Variants in CREB5 observed in about 807,000 individuals in gnomAD.
The protein encoded by CREB5 is cAMP responsive element binding protein 5.
A neutral mutation model predicts 57.1 loss-of-function variants in CREB5; 19 were observed. That is an observed-to-expected ratio of 0.33 (90% CI 0.23 to 0.49). The LOEUF (loss-of-function observed/expected upper bound fraction) is 0.49. Among genes scored for constraint, CREB5 ranks in the 20% least tolerant of loss-of-function variants. The pLI is 0.99. For synonymous variants in CREB5, 238 were observed against 238.3 expected (o/e 1.00, Z 0.01); for missense variants, 579 against 671.6 (o/e 0.86, Z 1.52).
intron 5 of CREB5, among the ~76,000 whole-genome samples, chr7:28,571,713 G>C (rs1479371843): frequency 6.6e-6 from 1 of 152,178 alleles, no homozygotes; most frequent in Non-Finnish European, 1.5e-5. Context: ...CTCTGGCCCA[G>C]CTTCCTTATC....
intron 1 of CREB5, among the ~76,000 whole-genome samples, chr7:28,469,254 A>C (rs538586493): frequency 2.0e-5 from 3 of 152,266 alleles, no homozygotes; most frequent in African/African-American, 7.2e-5. Flanking sequence ...AAAATATAAG[A>C]AAGTGGACCA....
intron 5 of CREB5, among the ~76,000 whole-genome samples, chr7:28,670,898 G>A (rs1800010742): frequency 6.6e-6 from 1 of 152,136 alleles, no homozygotes; most frequent in Admixed American, 6.5e-5. Flanking sequence ...GTCTCACTAT[G>A]TTGCCTAGGC....
chr7:28,568,649 G>A lies in CREB5; in HGVS notation c.292-1716G>A, dbSNP rs570195887. On this transcript the variant is annotated intron_variant, in intron 4 of 10. Coordinates refer to ENST00000357727, the MANE Select transcript of CREB5 (RefSeq NM_182898.4). ...TTCCAGTGTATAAGAGAAGCCTTTG[G>A]ACTGTGAGTATATATAAGCCTGTTC... Among the ~76,000 whole-genome samples, 417 of 152,236 alleles carry A rather than the reference G, an allele frequency of 2.7e-3. 3 individuals carry two copies. Among genetic ancestry groups the A allele is most frequent in the Middle Eastern group, 3.4e-3 (1 of 294 alleles).
intron 4 of CREB5, among the ~76,000 whole-genome samples, chr7:28,551,960 TTTTTTA>T (rs1794675876): frequency 7.5e-6 from 1 of 134,200 alleles, no homozygotes; most frequent in African/African-American, 3.1e-5. Context: ...ATTCTTTCTC[TTTTTTA>T]TTCTCTCTTT....
At chr7:28,648,952 T>C (rs2128705552) in intron 5 of CREB5, among the ~76,000 whole-genome samples, 1 of 152,350 alleles carries the variant, frequency 6.6e-6, no homozygotes. Flanking sequence ...ATAAAGGTTT[T>C]GTGCTTTTGG....
chr7:28,648,603 T>A (rs996080928), intron 5 of CREB5, among the ~76,000 whole-genome samples: 1 of 151,986 alleles, frequency 6.6e-6, no homozygotes, highest in Non-Finnish European at 1.5e-5. Flanking sequence ...TTAGCTGGGC[T>A]TGCTGGTGCA....
intron 7 of CREB5, among the ~76,000 whole-genome samples, chr7:28,788,321 C>T (rs1807456438): frequency 1.3e-5 from 2 of 152,132 alleles, no homozygotes; most frequent in African/African-American, 4.8e-5. Context: ...GGAAAAACTG[C>T]CCTCAGTTGA....
chr7:28,595,396 T>G (rs192826606), intron 5 of CREB5, among the ~76,000 whole-genome samples: 150 of 152,282 alleles, frequency 9.9e-4, no homozygotes, highest in African/African-American at 3.2e-3. Flanking sequence ...GCATAGTGCC[T>G]GACATATAGT....
Position 28,757,783 on chromosome 7 carries a change from A to G in CREB5, c.702+33451A>G, listed in dbSNP as rs1805415623. 2.6e-5 allele frequency among the ~76,000 whole-genome samples: 4 copies of G among 152,266 alleles called. No homozygotes were observed. In the South Asian group the frequency reaches 8.3e-4, roughly 32 times the overall value. The stretch of plus-strand genomic sequence containing the variant: ...GGGGACCAGAAGTGTTTCAGATTTC[A>G]GATTTTTTTCAGATTTTGGAATATT... On this transcript the variant is annotated intron_variant, in intron 7 of 10. Transcript: ENST00000357727.
intron 7 of CREB5, among the ~76,000 whole-genome samples, chr7:28,763,141 T>G (rs1018907442): frequency 4.2e-5 from 6 of 143,392 alleles, no homozygotes; most frequent in Admixed American, 4.1e-4. Context: ...TTCCCTTGTC[T>G]TTCCTGTGAG....
chr7:28,562,104 C>T lies in CREB5; in HGVS notation c.292-8261C>T, dbSNP rs190520341. Among the ~76,000 whole-genome samples the T allele has an allele frequency of 3.2e-4, 48 of 152,266 alleles. 1 individual carries two copies. The highest frequency in any genetic ancestry group is 1.0e-3 in the Admixed American group (16 of 15,300). On this transcript the variant is annotated intron_variant, in intron 4 of 10. Coordinates refer to ENST00000357727, the MANE Select transcript of CREB5 (RefSeq NM_182898.4). ...CTAATGTCCAAGATTTTGGTGGATACGTCAATCACAGAAATTTGCTCAATC... is the reference window on the plus strand; with the variant it reads ...CTAATGTCCAAGATTTTGGTGGATATGTCAATCACAGAAATTTGCTCAATC...
rs1285999216 is a variant in CREB5, at chr7:28,748,564, C to A, written c.702+24232C>A. On this transcript the variant is annotated intron_variant, in intron 7 of 10. Transcript: ENST00000357727. ...GAATCTCAGAGTTCTGGAGAAAATT[C>A]TTTAAATACCCAGGGCAGGCTTTGT... is the stretch of plus-strand genomic sequence containing the variant. 4.6e-5 allele frequency among the ~76,000 whole-genome samples: 7 copies of A among 152,232 alleles called. No individual in the cohort carries two copies. In the South Asian group the frequency reaches 1.2e-3, roughly 27 times the overall value.
intron 8 of CREB5, 112 bp downstream of exon 8, chr7:28,804,634 C>T: frequency 7.5e-7 from 1 of 1,338,656 alleles, no homozygotes; most frequent in Non-Finnish European, 1.0e-6. Context: ...GGTGTTCTAT[C>T]TCACATTCTA....
At position 28,699,168 on chromosome 7, in the gene CREB5, TTTC is replaced by T. The variant is rs970865434; in HGVS notation, c.465-19576_465-19574del. Among the ~76,000 whole-genome samples the T allele has an allele frequency of 6.6e-5, 10 of 152,050 alleles. No homozygotes were observed. The East Asian group carries it at 9.6e-4, about 15-fold the overall frequency. ...CTTCCTTCCTTCCTTCCTTTCTTCCTTTCTTCTTCTTTTTTTTTTTTTCATTTG... is the reference window on the plus strand; with the variant it reads ...CTTCCTTCCTTCCTTCCTTTCTTCCTTTCTTCTTTTTTTTTTTTTCATTTG... On this transcript the variant is annotated intron_variant, in intron 5 of 10. Coordinates refer to ENST00000357727, the MANE Select transcript of CREB5 (RefSeq NM_182898.4).
intron 5 of CREB5, among the ~76,000 whole-genome samples, chr7:28,571,425 C>G (rs368848571): frequency 5.3e-5 from 8 of 152,110 alleles, no homozygotes; most frequent in African/African-American, 1.9e-4. Context: ...TATTAGCCCT[C>G]TCCTTCCTCT....
At chr7:28,674,270 GC>G (rs1800213872) in intron 5 of CREB5, among the ~76,000 whole-genome samples, 1 of 152,192 alleles carries the variant, frequency 6.6e-6, no homozygotes, top group Non-Finnish European at 1.5e-5. Flanking sequence ...CTCCCACTCA[GC>G]TGAGAGTGAG....
chr7:28,445,591 G>C (rs546778410), intron 1 of CREB5, among the ~76,000 whole-genome samples: 2 of 150,630 alleles, frequency 1.3e-5, no homozygotes, highest in Non-Finnish European at 3.0e-5. Flanking sequence ...TCGCTCTGTT[G>C]CCCAGGCTGG....
chr7:28,769,287 G>A (rs186234806), intron 7 of CREB5, among the ~76,000 whole-genome samples: 1 of 152,276 alleles, frequency 6.6e-6, no homozygotes, highest in African/African-American at 2.4e-5. Flanking sequence ...GGCACTACAA[G>A]GTGACTATAA....
At chr7:28,541,883 T>C (rs1794224728) in intron 4 of CREB5, among the ~76,000 whole-genome samples, 1 of 152,216 alleles carries the variant, frequency 6.6e-6, no homozygotes, top group African/African-American at 2.4e-5. Flanking sequence ...TTGTTGTTCT[T>C]TATGCTCAAT....
Sources: gnomAD v4.1 joint callset for allele counts (sites outside exome capture counted in the v4.1 genomes callset) on GRCh38, gnomAD v4.1.1 for gene constraint, MANE v1.5 for transcripts, NCBI Gene and HGNC (gene_info 2026-07-23, HGNC 2026-07-21) for gene names.